TRPS1: variants seen among roughly 807,000 people sequenced by gnomAD.
The protein encoded by TRPS1 is zinc finger transcription factor Trps1.
TRPS1 carries 6 observed loss-of-function variants against 101.2 expected under a neutral mutation model. The ratio of observed to expected loss-of-function variants is 0.06; its 90% CI spans 0.03 to 0.12. The LOEUF is 0.12. Ranked by LOEUF, TRPS1 falls within the 10% of genes least tolerant of loss-of-function variation. The pLI, the probability that TRPS1 is intolerant of heterozygous loss-of-function variation, is 1.00. For synonymous variants in TRPS1, 578 were observed against 589.8 expected (o/e 0.98, Z 0.29); for missense variants, 1,363 against 1,567.0 (o/e 0.87, Z 2.20).
intron 1 of TRPS1, among the ~76,000 whole-genome samples, chr8:115,625,300 C>T (rs890238937): frequency 2.0e-5 from 3 of 151,968 alleles, no homozygotes; most frequent in Admixed American, 6.6e-5. Flanking sequence ...AAGGGCAAGT[C>T]CTTTTGCTTC....
intron 5 of TRPS1, among the ~76,000 whole-genome samples, chr8:115,548,765 C>A (rs546267505): frequency 6.6e-6 from 1 of 152,338 alleles, no homozygotes; most frequent in South Asian, 2.1e-4. Context: ...AGACTACATT[C>A]AAATTCATAA....
intron 5 of TRPS1, among the ~76,000 whole-genome samples, chr8:115,540,645 AT>A (rs1176533599): frequency 6.6e-6 from 1 of 151,782 alleles, no homozygotes; most frequent in Admixed American, 6.6e-5. Flanking sequence ...TACTAATTAT[AT>A]TATTTAAATT....
chr8:115,610,839 G>A (rs895741491), intron 3 of TRPS1, among the ~76,000 whole-genome samples: 8 of 152,012 alleles, frequency 5.3e-5, no homozygotes, highest in Non-Finnish European at 7.4e-5. Flanking sequence ...TTAATAGGCC[G>A]GGGACAGTGG....
intron 1 of TRPS1, among the ~76,000 whole-genome samples, chr8:115,664,533 A>T (rs1284420951): frequency 6.6e-6 from 1 of 152,136 alleles, no homozygotes; most frequent in Non-Finnish European, 1.5e-5. Context: ...TGCTGTCATT[A>T]ATTTCCCAAA....
At chr8:115,551,128 C>T (rs915996200) in intron 5 of TRPS1, among the ~76,000 whole-genome samples, 1 of 152,146 alleles carries the variant, frequency 6.6e-6, no homozygotes, top group Non-Finnish European at 1.5e-5. Context: ...GCCACTTCAC[C>T]ACTATAAAGC....
intron 1 of TRPS1, among the ~76,000 whole-genome samples, chr8:115,657,694 A>C (rs961248561): frequency 2.0e-5 from 3 of 152,154 alleles, no homozygotes; most frequent in Admixed American, 6.6e-5. Context: ...GAAGTACTGC[A>C]TAACTAAAAT....
chr8:115,541,699 T>G (rs1008366957), intron 5 of TRPS1, among the ~76,000 whole-genome samples: 3 of 152,162 alleles, frequency 2.0e-5, no homozygotes, highest in Admixed American at 2.0e-4. Context: ...AAGGCCAAAC[T>G]AAGAAGCTAC....
chr8:115,655,182 CCAA>C (rs1337496996), intron 1 of TRPS1, among the ~76,000 whole-genome samples: 3 of 152,020 alleles, frequency 2.0e-5, no homozygotes, highest in African/African-American at 7.2e-5. Flanking sequence ...AAAACATGAC[CCAA>C]TGTTCACTTT....
At chr8:115,568,910 G>T (rs1817136268) in intron 5 of TRPS1, among the ~76,000 whole-genome samples, 1 of 152,078 alleles carries the variant, frequency 6.6e-6, no homozygotes, top group Admixed American at 6.6e-5. Flanking sequence ...CAGATGGTTA[G>T]CCAAGTTCTA....
At chr8:115,525,220 ATAGT>A (rs936868280) in intron 5 of TRPS1, among the ~76,000 whole-genome samples, 21 of 152,294 alleles carry the variant, frequency 1.4e-4, no homozygotes, top group African/African-American at 4.8e-4. Flanking sequence ...CGAGGATTGT[ATAGT>A]AAAATTTCTC....
At chr8:115,589,977 T>TGTG (rs1246206532) in intron 4 of TRPS1, among the ~76,000 whole-genome samples, 8 of 151,736 alleles carry the variant, frequency 5.3e-5, no homozygotes, top group Non-Finnish European at 1.2e-4. Flanking sequence ...ATTAGCTGGG[T>TGTG]GTGGTGGCGG....
intron 5 of TRPS1, among the ~76,000 whole-genome samples, chr8:115,452,276 A>G (rs1467353048): frequency 9.9e-5 from 15 of 152,194 alleles, no homozygotes. Context: ...TGTTATGACA[A>G]TGTTTATAAC....
chr8:115,485,545 C>A (rs1814858250), intron 5 of TRPS1, among the ~76,000 whole-genome samples: 1 of 152,150 alleles, frequency 6.6e-6, no homozygotes, highest in Non-Finnish European at 1.5e-5. Context: ...TTACAGTGTA[C>A]CCCATGCTTG....
At chr8:115,544,067 A>G (rs1816515931) in intron 5 of TRPS1, among the ~76,000 whole-genome samples, 1 of 151,858 alleles carries the variant, frequency 6.6e-6, no homozygotes, top group South Asian at 2.1e-4. Context: ...AGAAATGTAA[A>G]GAACATTTCA....
At chr8:115,454,598 T>C (rs958691602) in intron 5 of TRPS1, among the ~76,000 whole-genome samples, 17 of 152,204 alleles carry the variant, frequency 1.1e-4, no homozygotes, top group African/African-American at 4.1e-4. Flanking sequence ...CTATATATGA[T>C]GGATTGAATT....
At chr8:115,646,784 T>C (rs1819034316) in intron 1 of TRPS1, among the ~76,000 whole-genome samples, 1 of 152,186 alleles carries the variant, frequency 6.6e-6, no homozygotes, top group Admixed American at 6.5e-5. Context: ...TATCATAAGG[T>C]CATGGTTTTC....
In TRPS1 at chr8:115,620,076, G is replaced by C; in HGVS notation, c.38-16C>G. 6.2e-7 allele frequency: 1 copy of C among 1,611,526 alleles called. No homozygotes were observed. The highest frequency in any genetic ancestry group is 8.5e-7 in the Non-Finnish European group (1 of 1,177,924). Reference sequence around the variant, plus strand: ...CGGACCATATCTGCAAAGATAAAGGGAAAAGGCAGATACAGTGTTATCTGA... The same window carrying C: ...CGGACCATATCTGCAAAGATAAAGGCAAAAGGCAGATACAGTGTTATCTGA... On this transcript the variant is annotated splice_polypyrimidine_tract_variant and intron_variant, in intron 2 of 6. Transcript: ENST00000395715.
rs368113410 is a variant in TRPS1, at chr8:115,552,532, A to C, written c.2700+34469T>G. Among the ~76,000 whole-genome samples the C allele has an allele frequency of 3.3e-5, 5 of 152,204 alleles. No individual in the cohort carries two copies. The East Asian group carries it at 9.6e-4, about 29-fold the overall frequency. On this transcript the variant is annotated intron_variant, in intron 5 of 6. Coordinates refer to ENST00000395715, the MANE Select transcript of TRPS1 (RefSeq NM_014112.5). ...ATATTAAACTAAGAATTTTATGCAT[A>C]ACTTTTCAACAGAAATATATTATAC...
intron 1 of TRPS1, chr8:115,668,122 C>CTGAACT: frequency 1.7e-6 from 1 of 597,012 alleles, no homozygotes; most frequent in Non-Finnish European, 3.0e-6. Flanking sequence ...TCCCCGGCGG[C>CTGAACT]TGAACTTGAC....
Sources: allele counts gnomAD v4.1 joint callset (sites outside exome capture counted in the v4.1 genomes callset), GRCh38; gene constraint gnomAD v4.1.1; transcripts MANE v1.5; gene names NCBI Gene and HGNC (gene_info 2026-07-23, HGNC 2026-07-21).